The following WNK2 variants were observed in gnomAD, a reference collection of about 807,000 sequenced individuals.
WNK2 encodes the protein serine/threonine-protein kinase WNK2.
A neutral mutation model predicts 192.1 loss-of-function variants in WNK2; 67 were observed. That is an observed-to-expected ratio of 0.35 (90% CI 0.29 to 0.43). The LOEUF is 0.43. WNK2 is among the 20% of genes least tolerant of loss of function. The pLI, the probability that WNK2 is intolerant of heterozygous loss-of-function variation, is 1.00. For missense variants in WNK2, 2,698 were observed against 3,089.7 expected, an observed-to-expected ratio of 0.87 and a Z score of 3.01; for synonymous variants, 1,439 against 1,393.9, an observed-to-expected ratio of 1.03 and a Z score of -0.72.
At chr9:93,211,346 T>A in intron 2 of WNK2, among the ~76,000 whole-genome samples, 1 of 138,230 alleles carries the variant, frequency 7.2e-6, no homozygotes, top group African/African-American at 3.3e-5. Context: ...GTCTACTCAT[T>A]CACTCATCTA....
At chr9:93,250,782 C>CTTTTTTTTT (rs35468086) in intron 8 of WNK2, among the ~76,000 whole-genome samples, 2 of 118,630 alleles carry the variant, frequency 1.7e-5, no homozygotes, top group African/African-American at 3.3e-5. Flanking sequence ...AACTCATTCA[C>CTTTTTTTTT]TTTTTTTTTT....
At chr9:93,234,415 A>G (rs971687814) in intron 4 of WNK2, among the ~76,000 whole-genome samples, 3 of 152,136 alleles carry the variant, frequency 2.0e-5, no homozygotes, top group Admixed American at 1.3e-4. Flanking sequence ...TTTCTGCTCC[A>G]GGGTTTCTGA....
intron 4 of WNK2, among the ~76,000 whole-genome samples, chr9:93,234,358 A>T (rs1839442695): frequency 6.6e-6 from 1 of 152,160 alleles, no homozygotes; most frequent in Non-Finnish European, 1.5e-5. Flanking sequence ...ACTTTGGGAC[A>T]TTTAGGGGTT....
At chr9:93,262,211 GC>G in intron 13 of WNK2, 104 bp downstream of exon 13, 1 of 1,386,182 alleles carries the variant, frequency 7.2e-7, no homozygotes, top group Non-Finnish European at 9.6e-7. Flanking sequence ...GGGTTGCTTA[GC>G]TCTGGGACAG....
At chr9:93,319,743 A>G (rs1438313757) in intron 29 of WNK2, among the ~76,000 whole-genome samples, 1 of 152,232 alleles carries the variant, frequency 6.6e-6, no homozygotes, top group Non-Finnish European at 1.5e-5. Context: ...CCCATGGATC[A>G]TGCAAGGGGC....
intron 2 of WNK2, among the ~76,000 whole-genome samples, chr9:93,225,348 A>G (rs992112178): frequency 2.0e-5 from 3 of 152,194 alleles, no homozygotes; most frequent in African/African-American, 7.2e-5. Context: ...GTGAGCTATG[A>G]TCACACCACG....
intron 19 of WNK2, among the ~76,000 whole-genome samples, chr9:93,276,642 A>G (rs1477062072): frequency 6.6e-6 from 1 of 152,242 alleles, no homozygotes; most frequent in African/African-American, 2.4e-5. Flanking sequence ...AAGACAAGCT[A>G]CAGACTGGTA....
chr9:93,320,515 T>C lies in WNK2; in HGVS notation c.*123T>C, dbSNP rs1325210430. 9.2e-7 allele frequency: 1 copy of C among 1,085,564 alleles called. No individual in the cohort carries two copies. The highest frequency in any genetic ancestry group is 1.3e-6 in the Non-Finnish European group (1 of 787,170). 67.2% of individuals were successfully genotyped at this position (1,085,564 alleles called of 1,614,324 possible). ...TAACCACTTTCTAAGCATTTTTTATTCACAATTGGAAACACAAATGTAATG... is the reference window on the plus strand; with the variant it reads ...TAACCACTTTCTAAGCATTTTTTATCCACAATTGGAAACACAAATGTAATG... On this transcript the variant is annotated 3_prime_UTR_variant, in exon 30 of 30. Transcript: ENST00000427277.
chr9:93,308,802 A>ACAGGCCAGGC lies in WNK2; in HGVS notation c.6516+233_6516+242dup, dbSNP rs991242211. ...GCTCCGCAGCTGGCAGGTGGAAAGG[A>ACAGGCCAGGC]CAGGCCAGGCCAGGCCAGGCCAGGG... On this transcript the variant is annotated intron_variant, in intron 28 of 29. Coordinates refer to ENST00000427277, the MANE Select transcript of WNK2 (RefSeq NM_006648.4). 3.1e-5 allele frequency: 44 copies of ACAGGCCAGGC among 1,420,562 alleles called. No homozygotes were observed. In the African/African-American group the frequency reaches 5.9e-4, roughly 19 times the overall value. 88.0% of individuals were successfully genotyped at this position (1,420,562 alleles called of 1,614,324 possible). A position where few individuals can be genotyped will look rare whatever the true frequency, so the allele number is the denominator to read the frequency against.
intron 10 of WNK2, 171 bp downstream of exon 10, chr9:93,256,625 G>A: frequency 1.3e-6 from 1 of 784,416 alleles, no homozygotes; most frequent in South Asian, 1.9e-5. Flanking sequence ...GTATGTGCAT[G>A]TGTTTGTGTG....
chr9:93,281,672 C>T (rs1381943899), intron 19 of WNK2, among the ~76,000 whole-genome samples: 3 of 152,158 alleles, frequency 2.0e-5, no homozygotes, highest in African/African-American at 7.2e-5. Context: ...ATTCAAGAAA[C>T]TTCCAAACTC....
At chr9:93,319,699 G>T (rs1855264912) in intron 29 of WNK2, among the ~76,000 whole-genome samples, 1 of 152,206 alleles carries the variant, frequency 6.6e-6, no homozygotes, top group South Asian at 2.1e-4. Flanking sequence ...GATGAGCTTG[G>T]ACTTGTTGAG....
chr9:93,277,328 A>G (rs996441716), intron 19 of WNK2, among the ~76,000 whole-genome samples: 1 of 152,136 alleles, frequency 6.6e-6, no homozygotes, highest in Non-Finnish European at 1.5e-5. Context: ...TAAAAGATAT[A>G]CTTGCTATAT....
intron 19 of WNK2, among the ~76,000 whole-genome samples, chr9:93,287,573 G>A (rs1274341840): frequency 1.3e-5 from 2 of 152,184 alleles, no homozygotes; most frequent in African/African-American, 2.4e-5. Context: ...CAGACGAACG[G>A]TAAGGCCGGA....
intron 6 of WNK2, among the ~76,000 whole-genome samples, chr9:93,238,908 C>G (rs1840271295): frequency 1.3e-5 from 2 of 152,204 alleles, no homozygotes; most frequent in African/African-American, 2.4e-5. Flanking sequence ...TTCCCTCCCC[C>G]TCACACTGGA....
chr9:93,209,789 G>A (rs956336743), intron 2 of WNK2, among the ~76,000 whole-genome samples: 3 of 152,278 alleles, frequency 2.0e-5, no homozygotes, highest in East Asian at 1.9e-4. Flanking sequence ...GCTGATGGTC[G>A]AAGCCCGCCC....
rs758711938 is a variant in WNK2, at chr9:93,308,394, C to T, written c.6326C>T (p.Ala2109Val). The change falls in exon 28 of 30, where the codon GCG becomes GTG. Residue 2109 changes from alanine (A) to valine (V), a missense_variant. Transcript: ENST00000427277. ...PGPQPALHVQAQVNNSNNKKG... is the reference protein window; with the variant it reads ...PGPQPALHVQVQVNNSNNKKG... ...CCCCAGCCCGCCCTGCACGTCCAGG[C>T]GCAGGTGAACAACAGCAACAACAAG... 15 of 1,581,090 alleles carry T rather than the reference C, an allele frequency of 9.5e-6. No homozygotes were observed. The Middle Eastern group carries it at 5.0e-4, about 52-fold the overall frequency.
Position 93,229,655 on chromosome 9 carries a change from G to A in WNK2, c.682-41G>A. On this transcript the variant is annotated intron_variant, in intron 2 of 29. Coordinates refer to ENST00000427277, the MANE Select transcript of WNK2 (RefSeq NM_006648.4). The surrounding 1 kb of genome is among the most constrained non-coding windows in gnomAD (Gnocchi z 4.9). ...GTGACGCCACCGTGTCCCCTTCTGT[G>A]TCCCATCTCTTGCCCACTTAGCATG... 6.3e-7 allele frequency: 1 copy of A among 1,594,264 alleles called. No homozygotes were observed. Among genetic ancestry groups the A allele is most frequent in the Non-Finnish European group, 8.6e-7 (1 of 1,167,932 alleles).
chr9:93,190,070 G>T (rs907864696), intron 2 of WNK2, among the ~76,000 whole-genome samples: 9 of 152,210 alleles, frequency 5.9e-5, no homozygotes, highest in African/African-American at 2.2e-4. Flanking sequence ...TTTGAAATCA[G>T]TTGGATGCCA....
Sources: allele counts gnomAD v4.1 joint callset (sites outside exome capture counted in the v4.1 genomes callset), GRCh38; gene constraint gnomAD v4.1.1; non-coding constraint Gnocchi (gnomAD v3.1); transcripts MANE v1.5; gene names NCBI Gene and HGNC (gene_info 2026-07-23, HGNC 2026-07-21).